The following NTNG2 variants were observed in gnomAD, a reference collection of about 807,000 sequenced individuals.
NTNG2 encodes netrin G2, also known as netrin-G2.
NTNG2 carries 15 observed loss-of-function variants against 47.6 expected under a neutral mutation model. The ratio of observed to expected loss-of-function variants is 0.32; its 90% CI spans 0.21 to 0.49. The LOEUF (loss-of-function observed/expected upper bound fraction) is 0.49. Among genes scored for constraint, NTNG2 ranks in the 20% least tolerant of loss-of-function variants. The pLI, the probability that NTNG2 is intolerant of heterozygous loss-of-function variation, is 0.99. For synonymous variants in NTNG2, 307 were observed against 324.6 expected (o/e 0.95, Z 0.58); for missense variants, 578 against 764.6 (o/e 0.76, Z 2.88).
chr9:132,172,362 A>G (rs1445158623), intron 2 of NTNG2, among the ~76,000 whole-genome samples: 1 of 152,068 alleles, frequency 6.6e-6, no homozygotes, highest in Non-Finnish European at 1.5e-5. Flanking sequence ...AGGAATGGAG[A>G]GTTTAGAATC....
chr9:132,189,068 C>CTTTGTTTTTTTTTTTTTTTTTTTTTTTT lies in NTNG2; in HGVS notation c.214-8895_214-8894insGTTTTTTTTTTTTTTTTTTTTTTTTTTT, dbSNP rs1837640741. 2.1e-5 allele frequency among the ~76,000 whole-genome samples: 2 copies of CTTTGTTTTTTTTTTTTTTTTTTTTTTTT among 93,232 alleles called. 1 individual carries two copies. The highest frequency in any genetic ancestry group is 4.1e-5 in the Non-Finnish European group (2 of 48,532). 61.2% of individuals were successfully genotyped at this position (93,232 alleles called of 152,430 possible). ...TATGTGAAAAAGGCTTTAAGCCTTT[C>CTTTGTTTTTTTTTTTTTTTTTTTTTTTT]TTTTTTTTTTTTTTTTTTTTTTTTT... On this transcript the variant is annotated intron_variant, in intron 2 of 7. Transcript: ENST00000393229.
In NTNG2 at chr9:132,215,752, G is replaced by A. The variant is rs554820351; in HGVS notation, c.858-11097G>A. Reference sequence around the variant, plus strand: ...AGAGGCTCTGGGGTGGGTGTTGGACGGGACAGCATGAATAAGGGGCCCTGC... The same window carrying A: ...AGAGGCTCTGGGGTGGGTGTTGGACAGGACAGCATGAATAAGGGGCCCTGC... On this transcript the variant is annotated intron_variant, in intron 3 of 7. Coordinates refer to ENST00000393229, the MANE Select transcript of NTNG2 (RefSeq NM_032536.4). This position sits in a 1 kb window ranked among gnomAD's most constrained non-coding sequence, Gnocchi z 4.2. Among the ~76,000 whole-genome samples, 7 of 152,070 alleles carry A rather than the reference G, an allele frequency of 4.6e-5. No homozygotes were observed. The highest frequency in any genetic ancestry group is 7.4e-5 in the Non-Finnish European group (5 of 68,000).
At chr9:132,189,094 T>TTTTTTTTTTTTTTTTTTTTTTTTTTG (rs1204845571) in intron 2 of NTNG2, among the ~76,000 whole-genome samples, 2 of 139,424 alleles carry the variant, frequency 1.4e-5, no homozygotes, top group Admixed American at 7.3e-5. Context: ...TTTTTTTTTT[T>TTTTTTTTTTTTTTTTTTTTTTTTTTG]TAGACAGGGT....
chr9:132,230,736 C>A, intron 5 of NTNG2, 141 bp downstream of exon 5: 1 of 790,690 alleles, frequency 1.3e-6, no homozygotes, highest in Non-Finnish European at 2.1e-6. Flanking sequence ...TCTAATTACA[C>A]CCCATCTGCT....
At chr9:132,200,771 G>A (rs1589448340) in intron 3 of NTNG2, among the ~76,000 whole-genome samples, 1 of 152,216 alleles carries the variant, frequency 6.6e-6, no homozygotes, top group African/African-American at 2.4e-5. Flanking sequence ...TCTGACACCC[G>A]TGATCTCTAA....
intron 2 of NTNG2, among the ~76,000 whole-genome samples, chr9:132,184,550 G>A (rs967550715): frequency 6.6e-6 from 1 of 152,250 alleles, no homozygotes; most frequent in Non-Finnish European, 1.5e-5. Context: ...AGGGAGAGCT[G>A]TAGACAGAAG....
At chr9:132,186,493 C>G (rs891593746) in intron 2 of NTNG2, among the ~76,000 whole-genome samples, 1 of 152,226 alleles carries the variant, frequency 6.6e-6, no homozygotes, top group Non-Finnish European at 1.5e-5. Context: ...GTTCGGCTGA[C>G]GGAGGAGATC....
intron 2 of NTNG2, among the ~76,000 whole-genome samples, chr9:132,190,009 G>A (rs527938363): frequency 3.4e-5 from 5 of 147,944 alleles, no homozygotes; most frequent in Admixed American, 1.3e-4. Flanking sequence ...CGAGGCGGGC[G>A]GCTCATGAGG....
At position 132,208,411 on chromosome 9, in the gene NTNG2, G is replaced by A. The variant is rs1051573009; in HGVS notation, c.857+9802G>A. Among the ~76,000 whole-genome samples, 5 of 152,332 alleles carry A rather than the reference G, an allele frequency of 3.3e-5. No homozygotes were observed. The South Asian group carries it at 6.2e-4, about 19-fold the overall frequency. On this transcript the variant is annotated intron_variant, in intron 3 of 7. Transcript: ENST00000393229. The surrounding 1 kb of genome is among the most constrained non-coding windows in gnomAD (Gnocchi z 4.0). ...TTTGGTAGGAGGGCTACAGGCAGGG[G>A]AGAGGTGTGATCTGATTTCCGGTGT...
chr9:132,166,527 T>C lies in NTNG2; in HGVS notation c.-305T>C, dbSNP rs1409008849. On this transcript the variant is annotated 5_prime_UTR_variant, in exon 2 of 8. Transcript: ENST00000393229. ...TGTCACAATTTGAGAATCTGCCTGA[T>C]TTGATCAGATTCACCTCCAGGGGAG... The C allele has an allele frequency of 2.4e-6, 1 of 412,420 alleles. No homozygotes were observed. The highest frequency in any genetic ancestry group is 4.5e-6 in the Non-Finnish European group (1 of 220,066). 25.5% of individuals were successfully genotyped at this position (412,420 alleles called of 1,614,324 possible).
chr9:132,185,807 G>T (rs1248509532), intron 2 of NTNG2, among the ~76,000 whole-genome samples: 2 of 149,726 alleles, frequency 1.3e-5, no homozygotes, highest in Non-Finnish European at 3.0e-5. Flanking sequence ...GCCAGACTGA[G>T]CCCCTGTGTG....
chr9:132,239,314 G>C (rs113122001), intron 6 of NTNG2, 43 bp downstream of exon 6: 9 of 1,607,066 alleles, frequency 5.6e-6, no homozygotes, highest in African/African-American at 5.3e-5. Flanking sequence ...GCTGGAATGC[G>C]TGCAGGGTGC....
chr9:132,241,037 C>A lies in NTNG2; in HGVS notation c.1350C>A (p.Gly450=), dbSNP rs781229877. The change falls in exon 7 of 8, where the codon GGC becomes GGA. Residue 450 remains glycine (G), a synonymous_variant. Coordinates refer to ENST00000393229, the MANE Select transcript of NTNG2 (RefSeq NM_032536.4). ...DCLPTHYWRQ[G]CYPNVCDDDQ... is the part of the protein sequence containing the mutation. Reference sequence around the variant, plus strand: ...TCCCCACGCACTACTGGCGCCAGGGCTGCTACCGTGAGTGCGCGCCGTCCC... The same window carrying A: ...TCCCCACGCACTACTGGCGCCAGGGATGCTACCGTGAGTGCGCGCCGTCCC... 6 of 1,600,872 alleles carry A rather than the reference C, an allele frequency of 3.7e-6. No homozygotes were observed. In the African/African-American group the frequency reaches 5.3e-5, roughly 14 times the overall value.
chr9:132,216,418 G>C (rs2023364), intron 3 of NTNG2, among the ~76,000 whole-genome samples: 3,121 of 34,024 alleles, frequency 0.092, 167 homozygotes, highest in African/African-American at 0.35. Context: ...CTCTCTCTGT[G>C]TGTGTGTGTA....
Position 132,223,185 on chromosome 9 carries a change from C to T in NTNG2, c.858-3664C>T, listed in dbSNP as rs551600989. Reference sequence around the variant, plus strand: ...ACCATTCTGCAGGATAATTCGAGGACAGAGAGAAGACCCCAAGGAGGAAGG... The same window carrying T: ...ACCATTCTGCAGGATAATTCGAGGATAGAGAGAAGACCCCAAGGAGGAAGG... On this transcript the variant is annotated intron_variant, in intron 3 of 7. Coordinates refer to ENST00000393229, the MANE Select transcript of NTNG2 (RefSeq NM_032536.4). Among the ~76,000 whole-genome samples, 8 of 152,288 alleles carry T rather than the reference C, an allele frequency of 5.3e-5. No homozygotes were observed. In the South Asian group the frequency reaches 1.4e-3, roughly 28 times the overall value.
At chr9:132,241,132 G>A in intron 7 of NTNG2, 88 bp downstream of exon 7, 3 of 1,435,008 alleles carry the variant, frequency 2.1e-6, no homozygotes, top group Admixed American at 2.5e-5. Context: ...GTGGGACGGG[G>A]CAGGGGCGGT....
At chr9:132,190,487 T>G (rs887298458) in intron 2 of NTNG2, among the ~76,000 whole-genome samples, 1 of 152,178 alleles carries the variant, frequency 6.6e-6, no homozygotes, top group African/African-American at 2.4e-5. Flanking sequence ...TCTGTTCTTC[T>G]TCCTGAGACT....
chr9:132,179,249 C>A (rs193134592), intron 2 of NTNG2, among the ~76,000 whole-genome samples: 8 of 152,242 alleles, frequency 5.3e-5, no homozygotes, highest in Non-Finnish European at 7.3e-5. Flanking sequence ...CGGATGCCAC[C>A]TGCAGCCAGT....
chr9:132,166,808 C>T lies in NTNG2; in HGVS notation c.-24C>T, dbSNP rs369099359. ...CTGCCTCTCCAGGGCTTCTCTGGGC[C>T]GCGCCTCTGCAGACTGCGCAGCCAT... On this transcript the variant is annotated 5_prime_UTR_variant, in exon 2 of 8. Coordinates refer to ENST00000393229, the MANE Select transcript of NTNG2 (RefSeq NM_032536.4). 27 of 1,609,966 alleles carry T rather than the reference C, an allele frequency of 1.7e-5. No individual in the cohort carries two copies. The highest frequency in any genetic ancestry group is 2.7e-5 in the African/African-American group (2 of 74,870).
Sources: gnomAD v4.1 joint callset for allele counts (sites outside exome capture counted in the v4.1 genomes callset) on GRCh38, gnomAD v4.1.1 for gene constraint, Gnocchi (gnomAD v3.1) non-coding constraint, MANE v1.5 for transcripts, NCBI Gene and HGNC (gene_info 2026-07-23, HGNC 2026-07-21) for gene names.